TCF3: variants seen among roughly 807,000 people sequenced by gnomAD.
TCF3 encodes the protein transcription factor 3, also known as transcription factor E2-alpha.
In TCF3, 54 loss-of-function variants were observed where a neutral mutation model predicts 72.3. The ratio of observed to expected loss-of-function variants is 0.75; its 90% confidence interval spans 0.60 to 0.94. The LOEUF is 0.94. Among genes scored for constraint, TCF3 ranks in the 40% least tolerant of loss-of-function variants. TCF3 has a pLI of 0.00. For missense variants in TCF3, 1,078 were observed against 934.4 expected, an observed-to-expected ratio of 1.15 and a Z score of -2.00; for synonymous variants, 525 against 412.6, an observed-to-expected ratio of 1.27 and a Z score of -3.30.
At chr19:1,631,962 C>G in intron 5 of TCF3, 76 bp downstream of exon 5, 1 of 1,564,798 alleles carries the variant, frequency 6.4e-7, no homozygotes, top group Non-Finnish European at 8.6e-7. Context: ...TGGCGCTGTG[C>G]GTGCACTGAC....
intron 13 of TCF3, among the ~76,000 whole-genome samples, chr19:1,620,710 C>G (rs912672865): frequency 6.6e-6 from 1 of 152,178 alleles, no homozygotes; most frequent in African/African-American, 2.4e-5. Flanking sequence ...TGGAGGCTGC[C>G]TCCACTAGGC....
intron 5 of TCF3, among the ~76,000 whole-genome samples, chr19:1,631,657 C>T (rs373496665): frequency 4.1e-4 from 63 of 152,256 alleles, no homozygotes; most frequent in Admixed American, 9.8e-4. Context: ...CTCTGACCAC[C>T]GCACACTCTG....
rs902091591 is a variant in TCF3 at position 1,609,524 on chromosome 19, G to C, written c.*2183C>G. On this transcript the variant is annotated 3_prime_UTR_variant, in exon 19 of 19. Transcript: ENST00000262965. ...CAGGAACTGCTGTTTCTTCCTCCTCGCGCTGGGTGAATCTCGTTTGAATTC... is the reference window on the plus strand; with the variant it reads ...CAGGAACTGCTGTTTCTTCCTCCTCCCGCTGGGTGAATCTCGTTTGAATTC... 6.9e-5 allele frequency: 15 copies of C among 217,706 alleles called. No individual in the cohort carries two copies. Among genetic ancestry groups the C allele is most frequent in the African/African-American group, 9.1e-5 (4 of 43,728 alleles). 13.5% of individuals were successfully genotyped at this position (217,706 alleles called of 1,614,324 possible). A position where few individuals can be genotyped will look rare whatever the true frequency, so the allele number is the denominator to read the frequency against.
chr19:1,632,037 C>A lies in TCF3; in HGVS notation c.298+1G>T, dbSNP rs570496716. ...GGGACCGCACCAGGCCAGGCACTCA[C>A]CTCCGAGTCCCGGTCCCAGGAATGT... On this transcript the variant is annotated splice_donor_variant, in intron 5 of 18. Transcript: ENST00000262965. LOFTEE classifies it high-confidence loss of function. The A allele has an allele frequency of 6.2e-7, 1 of 1,612,700 alleles. No homozygotes were observed. Among genetic ancestry groups the A allele is most frequent in the Non-Finnish European group, 8.5e-7 (1 of 1,179,502 alleles).
rs144402336 is a variant in TCF3 at position 1,624,089 on chromosome 19, C to A, written c.500-89G>T. ...CTGGAGGAGAGACCCTCACAATTCCCGTTTCATATATTAAAAACCTCGGGT... is the reference window on the plus strand; with the variant it reads ...CTGGAGGAGAGACCCTCACAATTCCAGTTTCATATATTAAAAACCTCGGGT... On this transcript the variant is annotated intron_variant, in intron 7 of 18. Coordinates refer to ENST00000262965, the MANE Select transcript of TCF3 (RefSeq NM_003200.5). 18 of 1,365,254 alleles carry A rather than the reference C, an allele frequency of 1.3e-5. No individual in the cohort carries two copies. In the African/African-American group the frequency reaches 1.4e-4, roughly 11 times the overall value. 84.6% of individuals were successfully genotyped at this position (1,365,254 alleles called of 1,614,324 possible). A position where few individuals can be genotyped will look rare whatever the true frequency, so the allele number is the denominator to read the frequency against.
intron 18 of TCF3, among the ~76,000 whole-genome samples, chr19:1,612,859 G>A (rs897396023): frequency 2.0e-5 from 3 of 150,416 alleles, no homozygotes; most frequent in African/African-American, 7.4e-5. Flanking sequence ...GGCTGGTGTC[G>A]GGCACAGCAA....
chr19:1,632,482 G>A (rs2063829905), intron 3 of TCF3, 77 bp from the exon 4 acceptor site: 1 of 1,471,124 alleles, frequency 6.8e-7, no homozygotes, highest in Non-Finnish European at 9.3e-7. Flanking sequence ...ATCATCTCAG[G>A]GGCAAACCTC....
rs753162083 is a variant in TCF3, at chr19:1,623,966, C to T, written c.534G>A (p.Pro178=). ...TQPKKVRKVP[P]GLPSSVYPPS... The stretch of plus-strand genomic sequence containing the variant: ...TGCGACTCACCGAGGATGGAAGACC[C>T]GGCGGGACCTTCCGGACCTTCTTGG... Residue 178 remains proline (P), a synonymous_variant, in exon 8 of 19, where the codon CCG becomes CCA. Coordinates refer to ENST00000262965, the MANE Select transcript of TCF3 (RefSeq NM_003200.5). 5.7e-5 allele frequency: 92 copies of T among 1,613,352 alleles called. No homozygotes were observed. The highest frequency in any genetic ancestry group is 4.9e-4 in the Middle Eastern group (3 of 6,080).
intron 2 of TCF3, among the ~76,000 whole-genome samples, chr19:1,648,824 G>T (rs553951056): frequency 3.3e-5 from 5 of 151,834 alleles, no homozygotes; most frequent in South Asian, 2.1e-4. Flanking sequence ...GCATGGGGGG[G>T]GGGGGGGAGC....
chr19:1,629,573 A>G (rs1347304663), intron 5 of TCF3, among the ~76,000 whole-genome samples: 6 of 151,850 alleles, frequency 4.0e-5, no homozygotes, highest in African/African-American at 1.5e-4. Flanking sequence ...ACGGAGGAGG[A>G]CAGCCTGCCG....
At chr19:1,634,651 G>A (rs546688106) in intron 3 of TCF3, among the ~76,000 whole-genome samples, 1 of 152,342 alleles carries the variant, frequency 6.6e-6, no homozygotes, top group East Asian at 1.9e-4. Flanking sequence ...CTCCTGAGAG[G>A]GACCGGGGAC....
At chr19:1,629,519 G>C (rs538282054) in intron 5 of TCF3, among the ~76,000 whole-genome samples, 6 of 151,972 alleles carry the variant, frequency 3.9e-5, no homozygotes, top group Admixed American at 1.3e-4. Flanking sequence ...CTACGGAGGG[G>C]AACAGCTGGC....
chr19:1,611,128 G>T lies in TCF3; in HGVS notation c.*579C>A. On this transcript the variant is annotated 3_prime_UTR_variant, in exon 19 of 19. Transcript: ENST00000262965. Reference sequence around the variant, plus strand: ...TTAAAAAAACCAGAGACCAAAGGCAGCATCCTTGCTAATTTTCATCTACAT... The same window carrying T: ...TTAAAAAAACCAGAGACCAAAGGCATCATCCTTGCTAATTTTCATCTACAT... 4.3e-6 allele frequency: 1 copy of T among 234,386 alleles called. No homozygotes were observed. The highest frequency in any genetic ancestry group is 8.4e-6 in the Non-Finnish European group (1 of 119,208). The allele number at this position is 234,386 out of a possible 1,614,324, so 14.5% of individuals were successfully genotyped here. A position where few individuals can be genotyped will look rare whatever the true frequency, so the allele number is the denominator to read the frequency against.
chr19:1,625,399 G>A (rs1198130456), intron 7 of TCF3, among the ~76,000 whole-genome samples, 177 bp downstream of exon 7: 1 of 152,206 alleles, frequency 6.6e-6, no homozygotes, highest in Non-Finnish European at 1.5e-5. Flanking sequence ...GCCGGCCCCT[G>A]CCTCGACCCC....
At chr19:1,624,493 C>T (rs559365032) in intron 7 of TCF3, among the ~76,000 whole-genome samples, 4 of 152,338 alleles carry the variant, frequency 2.6e-5, no homozygotes, top group East Asian at 3.9e-4. Context: ...TCTCCCGCGA[C>T]GCGCAGTTTG....
At chr19:1,621,350 T>A in intron 11 of TCF3, 159 bp from the exon 12 acceptor site, 1 of 932,714 alleles carries the variant, frequency 1.1e-6, no homozygotes, top group Non-Finnish European at 1.6e-6. Flanking sequence ...AACCAGCCTC[T>A]GCAGGGGTTG....
chr19:1,629,005 CG>C (rs1391662600), intron 5 of TCF3, among the ~76,000 whole-genome samples: 13 of 46,294 alleles, frequency 2.8e-4, no homozygotes, highest in South Asian at 8.4e-4. Context: ...GCAGAGCTCA[CG>C]GGGGTGAGGC....
intron 6 of TCF3, 24 bp downstream of exon 6, chr19:1,627,335 C>G (rs1338043410): frequency 6.3e-7 from 1 of 1,592,918 alleles, no homozygotes; most frequent in Non-Finnish European, 8.6e-7. Context: ...CAAAATACAC[C>G]CCAGCCCGGC....
intron 14 of TCF3, 21 bp downstream of exon 14, chr19:1,619,759 T>A: frequency 2.1e-6 from 1 of 483,210 alleles, no homozygotes; most frequent in East Asian, 7.8e-5. Context: ...AAGGGTGGGG[T>A]GGGGCGGGGC....
Sources: allele counts gnomAD v4.1 joint callset (sites outside exome capture counted in the v4.1 genomes callset), GRCh38; gene constraint gnomAD v4.1.1; transcripts MANE v1.5; gene names NCBI Gene and HGNC (gene_info 2026-07-23, HGNC 2026-07-21).